PARP14: variants seen among roughly 807,000 people sequenced by gnomAD.
PARP14 encodes the protein poly(ADP-ribose) polymerase family member 14.
In PARP14, 59 loss-of-function variants were observed where a neutral mutation model predicts 154.2. The observed-to-expected ratio is 0.38, with a 90% CI of 0.31 to 0.48. PARP14 has a LOEUF of 0.48. PARP14 is among the 20% of genes least tolerant of loss of function. The pLI is 0.98. For synonymous variants in PARP14, 720 were observed against 780.5 expected (o/e 0.92, Z 1.29); for missense variants, 1,734 against 2,131.6 (o/e 0.81, Z 3.67).
chr3:122,699,459 C>G lies in PARP14; in HGVS notation c.905C>G (p.Ala302Gly). Reference protein sequence around the residue: ...KMPLSVFPYYASLGTALYGKE... With the variant: ...KMPLSVFPYYGSLGTALYGKE... The stretch of plus-strand genomic sequence containing the variant: ...CCACTTTCTGTGTTCCCATACTATG[C>G]CTCATTGGGCACAGCCTTGTATGGA... The change falls in exon 6 of 17, where the codon GCC becomes GGC. Residue 302 changes from alanine to glycine, a missense_variant. By Grantham distance (60) the Ala-to-Gly change is moderately conservative. Coordinates refer to ENST00000474629, the MANE Select transcript of PARP14 (RefSeq NM_017554.3). 1 of 1,613,692 alleles carries G rather than the reference C, an allele frequency of 6.2e-7. No homozygotes were observed. Among genetic ancestry groups the G allele is most frequent in the Non-Finnish European group, 8.5e-7 (1 of 1,179,614 alleles).
intron 9 of PARP14, among the ~76,000 whole-genome samples, chr3:122,712,026 A>G (rs1423922625): frequency 6.6e-6 from 1 of 152,064 alleles, no homozygotes; most frequent in Non-Finnish European, 1.5e-5. Context: ...TATCTTTTCA[A>G]AGAACCAGCT....
At chr3:122,713,105 T>C (rs1287377624) in intron 9 of PARP14, among the ~76,000 whole-genome samples, 1 of 152,250 alleles carries the variant, frequency 6.6e-6, no homozygotes, top group Non-Finnish European at 1.5e-5. Flanking sequence ...GCTGTTATTG[T>C]AACTTTTCAG....
chr3:122,704,822 C>A, intron 8 of PARP14, 74 bp downstream of exon 8: 1 of 773,208 alleles, frequency 1.3e-6, no homozygotes, highest in Non-Finnish European at 2.1e-6. Flanking sequence ...TTTGGTCTAA[C>A]AGGATACTTT....
At position 122,700,727 on chromosome 3, in the gene PARP14, C is replaced by T. The variant is rs1295528420; in HGVS notation, c.2173C>T (p.Leu725=). ...ILLTGSKTEV[L]KAVDIVKQVW... ...ACTAACTGGCTCAAAGACCGAAGTA[C>T]TGAAGGCAGTGGACATTGTCAAGCA... Residue 725 remains leucine (L), a synonymous_variant, in exon 6 of 17, where the codon CTG becomes TTG. Coordinates refer to ENST00000474629, the MANE Select transcript of PARP14 (RefSeq NM_017554.3). 5.6e-6 allele frequency: 9 copies of T among 1,613,106 alleles called. No individual in the cohort carries two copies. The highest frequency in any genetic ancestry group is 7.6e-6 in the Non-Finnish European group (9 of 1,179,538).
intron 14 of PARP14, among the ~76,000 whole-genome samples, chr3:122,719,503 G>C (rs1284374947): frequency 6.6e-6 from 1 of 152,192 alleles, no homozygotes. Context: ...CAGATTCTCT[G>C]ACCAGACCTA....
chr3:122,724,206 C>T (rs542142010), intron 15 of PARP14, among the ~76,000 whole-genome samples: 1 of 152,118 alleles, frequency 6.6e-6, no homozygotes, highest in East Asian at 1.9e-4. Context: ...AACCAAAAGT[C>T]GTGTGTTGCG....
Position 122,727,925 on chromosome 3 carries a change from T to C in PARP14, c.5055T>C (p.Asp1685=), listed in dbSNP as rs971625605. 2 of 1,613,946 alleles carry C rather than the reference T, an allele frequency of 1.2e-6. No homozygotes were observed. Among genetic ancestry groups the C allele is most frequent in the Non-Finnish European group, 1.7e-6 (2 of 1,179,826 alleles). ...AGAAGCAACTCTTCCATGGGACAGATGCCGGCTCCGTGCCACACGTCAATC... is the reference window on the plus strand; with the variant it reads ...AGAAGCAACTCTTCCATGGGACAGACGCCGGCTCCGTGCCACACGTCAATC... ...MNEKQLFHGT[D]AGSVPHVNRN... is the part of the protein sequence containing the mutation. The change falls in exon 16 of 17, where the codon GAT becomes GAC. Residue 1685 remains aspartate, a synonymous_variant. Coordinates refer to ENST00000474629, the MANE Select transcript of PARP14 (RefSeq NM_017554.3).
At chr3:122,726,209 A>T (rs904717322) in intron 15 of PARP14, among the ~76,000 whole-genome samples, 1 of 152,132 alleles carries the variant, frequency 6.6e-6, no homozygotes, top group Non-Finnish European at 1.5e-5. Context: ...AATTCTTCCT[A>T]TATTTCCATG....
chr3:122,700,769 T>G lies in PARP14; in HGVS notation c.2215T>G (p.Cys739Gly). 1 of 1,613,592 alleles carries G rather than the reference T, an allele frequency of 6.2e-7. No individual in the cohort carries two copies. The highest frequency in any genetic ancestry group is 8.5e-7 in the Non-Finnish European group (1 of 1,179,696). The change falls in exon 6 of 17, where the codon TGT (cysteine) becomes GGT (glycine). Residue 739 changes from cysteine (C) to glycine (G), a missense_variant. Coordinates refer to ENST00000474629, the MANE Select transcript of PARP14 (RefSeq NM_017554.3). ...TGTCAAGCAAGTCTGGGATTCAGTC[T>G]GTGTTAAAAGTGTCCATACTGATAA... is the stretch of plus-strand genomic sequence containing the variant. ...DIVKQVWDSV[C>G]VKSVHTDKPG...
chr3:122,701,677 T>C lies in PARP14; in HGVS notation c.3081+42T>C. On this transcript the variant is annotated intron_variant, in intron 6 of 16. Coordinates refer to ENST00000474629, the MANE Select transcript of PARP14 (RefSeq NM_017554.3). The surrounding 1 kb of genome is among the most constrained non-coding windows in gnomAD (Gnocchi z 4.0). ...CAGAACACCACCAGGGCACTGTGAC[T>C]TTACTTAGTCAGTGGCTCTCTCATG... The C allele has an allele frequency of 7.2e-7, 1 of 1,395,890 alleles. No individual in the cohort carries two copies. Among genetic ancestry groups the C allele is most frequent in the Non-Finnish European group, 9.7e-7 (1 of 1,031,290 alleles). 86.5% of individuals were successfully genotyped at this position (1,395,890 alleles called of 1,614,324 possible). A position where few individuals can be genotyped will look rare whatever the true frequency, so the allele number is the denominator to read the frequency against.
In PARP14 at chr3:122,682,944, A is replaced by G. The variant is rs558959189; in HGVS notation, c.187+1874A>G. ...GTGGTGTGCGCCTATAGTCCCAGCT[A>G]CTCAGGAGGCTGAGGCAGGGGAATT... On this transcript the variant is annotated intron_variant, in intron 1 of 16. Coordinates refer to ENST00000474629, the MANE Select transcript of PARP14 (RefSeq NM_017554.3). Among the ~76,000 whole-genome samples, 13 of 152,190 alleles carry G rather than the reference A, an allele frequency of 8.5e-5. No homozygotes were observed. In the East Asian group the frequency reaches 1.5e-3, roughly 18 times the overall value.
At chr3:122,685,112 G>A (rs1295432978) in intron 1 of PARP14, 73 bp from the exon 2 acceptor site, 66 of 1,551,568 alleles carry the variant, frequency 4.3e-5, no homozygotes, top group Middle Eastern at 1.7e-4. Flanking sequence ...TGCAGCCCAC[G>A]GAAATCATAG....
chr3:122,724,460 ATTTTTTTTTT>A (rs956215914), intron 15 of PARP14, among the ~76,000 whole-genome samples: 1 of 102,036 alleles, frequency 9.8e-6, no homozygotes, highest in Non-Finnish European at 2.0e-5. Flanking sequence ...CACCACGCCT[ATTTTTTTTTT>A]TTTTTTTTTT....
In PARP14 at chr3:122,718,586, C is replaced by T. The variant is rs1933064350; in HGVS notation, c.4435C>T (p.Gln1479Ter). 5.0e-6 allele frequency: 8 copies of T among 1,613,698 alleles called. No homozygotes were observed. The highest frequency in any genetic ancestry group is 6.8e-6 in the Non-Finnish European group (8 of 1,179,838). The change falls in exon 14 of 17, where the codon CAG (glutamine) becomes TAG (stop). Residue 1479 changes from glutamine to a stop codon, truncating the protein, a stop_gained. Transcript: ENST00000474629. LOFTEE classifies it high-confidence loss of function. ...EKEYQELNEL[Q>*]KKLNINISLD... The stretch of plus-strand genomic sequence containing the variant: ...GGAGTATCAGGAGTTGAATGAGCTG[C>T]AGAAGAAGTTAAATATTAACATTTC...
chr3:122,706,077 A>G (rs1451582275), intron 8 of PARP14, among the ~76,000 whole-genome samples: 1 of 152,236 alleles, frequency 6.6e-6, no homozygotes, highest in Non-Finnish European at 1.5e-5. Flanking sequence ...TTTTGAATGC[A>G]TGGGTGATTG....
At chr3:122,719,000 T>C in intron 14 of PARP14, 42 bp downstream of exon 14, 3 of 1,484,026 alleles carry the variant, frequency 2.0e-6, no homozygotes, top group Non-Finnish European at 2.7e-6. Context: ...ATTTCACATC[T>C]ACTTTGGGCA....
rs765337386 is a variant in PARP14, at chr3:122,704,733, T to A, written c.3525T>A (p.Asp1175Glu). The change falls in exon 8 of 17, where the codon GAT becomes GAA. Residue 1175 changes from aspartate (D) to glutamate (E), a missense_variant. By Grantham distance (45) the Asp-to-Glu change is conservative (BLOSUM62 2). This residue lies in a region of PARP14 where 1,646 missense variants were observed against 1,976.0 expected (regional missense o/e 0.83). Transcript: ENST00000474629. ...QEVHFLLHPS[D>E]HENIQAFSDE... ...TTCACTTTCTGCTGCACCCGAGTGA[T>A]CATGAAAATATTCAGGTACAGTGCC... 1 of 1,594,402 alleles carries A rather than the reference T, an allele frequency of 6.3e-7. No individual in the cohort carries two copies. The highest frequency in any genetic ancestry group is 8.6e-7 in the Non-Finnish European group (1 of 1,167,854).
At chr3:122,699,318 G>T in intron 5 of PARP14, 72 bp from the exon 6 acceptor site, 1 of 861,986 alleles carries the variant, frequency 1.2e-6, no homozygotes, top group Non-Finnish European at 1.7e-6. Context: ...TCTAAAATAG[G>T]AAAATTTTGT....
At chr3:122,687,764 G>A (rs2107636883) in intron 3 of PARP14, among the ~76,000 whole-genome samples, 1 of 152,326 alleles carries the variant, frequency 6.6e-6, no homozygotes, top group South Asian at 2.1e-4. Flanking sequence ...TCATAGCTAA[G>A]CATGCTATTA....
Sources: allele counts gnomAD v4.1 joint callset (sites outside exome capture counted in the v4.1 genomes callset), GRCh38; gene constraint gnomAD v4.1.1; regional missense constraint gnomAD v4.1.1; non-coding constraint Gnocchi (gnomAD v3.1); transcripts MANE v1.5; gene names NCBI Gene and HGNC (gene_info 2026-07-23, HGNC 2026-07-21).